The following RRAS2 variants were observed in gnomAD, a reference collection of about 807,000 sequenced individuals.
RRAS2 encodes RAS related 2, also known as ras-related protein R-Ras2.
RRAS2 carries 7 observed loss-of-function variants against 27.6 expected under a neutral mutation model. The observed-to-expected ratio is 0.25, with a 90% CI of 0.14 to 0.48. RRAS2 has a LOEUF of 0.48. Ranked by LOEUF, RRAS2 falls within the 20% of genes least tolerant of loss-of-function variation. RRAS2 has a pLI of 0.99. For synonymous variants in RRAS2, 86 were observed against 90.9 expected (o/e 0.95, Z 0.31); for missense variants, 178 against 256.2 (o/e 0.69, Z 2.08).
intron 4 of RRAS2, among the ~76,000 whole-genome samples, chr11:14,293,124 A>AATATAAATATAT (rs1847452299): frequency 1.3e-5 from 1 of 76,822 alleles, no homozygotes; most frequent in Non-Finnish European, 2.3e-5. Context: ...AAACAAAACA[A>AATATAAATATAT]ATATATATAT....
At chr11:14,297,438 A>AT (rs1334742563) in intron 1 of RRAS2, among the ~76,000 whole-genome samples, 82 of 152,086 alleles carry the variant, frequency 5.4e-4, no homozygotes, top group African/African-American at 1.8e-3. Flanking sequence ...GACTTTACAT[A>AT]TTTTTTTTGA....
At chr11:14,337,549 G>A (rs1554952697) in intron 1 of RRAS2, among the ~76,000 whole-genome samples, 1 of 152,172 alleles carries the variant, frequency 6.6e-6, no homozygotes, top group Non-Finnish European at 1.5e-5. Flanking sequence ...GATATTTTGA[G>A]AAAGACCGCA....
chr11:14,319,579 C>G (rs1468702328), intron 1 of RRAS2, among the ~76,000 whole-genome samples: 2 of 151,096 alleles, frequency 1.3e-5, no homozygotes, highest in African/African-American at 4.9e-5. Flanking sequence ...AGGATGGTCT[C>G]GATCTCCTGA....
At chr11:14,337,200 GTT>G (rs1848605575) in intron 1 of RRAS2, 2 of 152,172 alleles carry the variant, frequency 1.3e-5, no homozygotes, top group Non-Finnish European at 2.9e-5. Context: ...GTTTCAAATT[GTT>G]TACCATTCTG....
At chr11:14,360,778 C>T (rs528545024), upstream of RRAS2, among the ~76,000 whole-genome samples, 5 of 151,306 alleles carry the variant, frequency 3.3e-5, no homozygotes, top group South Asian at 8.4e-4. Context: ...AAAATTAGTC[C>T]GGAGTGGTGG....
At chr11:14,303,267 C>T (rs1451728957) in intron 1 of RRAS2, among the ~76,000 whole-genome samples, 1 of 152,158 alleles carries the variant, frequency 6.6e-6, no homozygotes, top group East Asian at 1.9e-4. Context: ...TTTACAATTG[C>T]TTATCCTTTC....
intron 1 of RRAS2, among the ~76,000 whole-genome samples, chr11:14,315,521 G>A (rs1322026814): frequency 6.6e-6 from 1 of 152,146 alleles, no homozygotes; most frequent in Non-Finnish European, 1.5e-5. Context: ...TATCTTGATG[G>A]GATCCTGGAT....
At chr11:14,352,775 AGAGAGG>A (rs1554954970) in intron 1 of RRAS2, among the ~76,000 whole-genome samples, 2 of 149,122 alleles carry the variant, frequency 1.3e-5, no homozygotes, top group African/African-American at 4.9e-5. Context: ...AGAGAGAGAG[AGAGAGG>A]GAGAGAGAGA....
chr11:14,285,291 A>G lies in RRAS2; in HGVS notation c.409-3571T>C, dbSNP rs1047263955. Among the ~76,000 whole-genome samples, 5 of 152,306 alleles carry G rather than the reference A, an allele frequency of 3.3e-5. No individual in the cohort carries two copies. In the East Asian group the frequency reaches 9.6e-4, roughly 29 times the overall value. The stretch of plus-strand genomic sequence containing the variant: ...GAGCCAGGTGCAGTGGTGTATGCCT[A>G]AAGTCCCAGCTACTTGGGTGGCTGA... On this transcript the variant is annotated intron_variant, in intron 4 of 5. Transcript: ENST00000256196.
intron 1 of RRAS2, among the ~76,000 whole-genome samples, chr11:14,323,947 T>G (rs1800386819): frequency 6.8e-6 from 1 of 148,000 alleles, no homozygotes; most frequent in Non-Finnish European, 1.5e-5. Flanking sequence ...ATAAGAGATA[T>G]GGAAAAAGGA....
At position 14,304,817 on chromosome 11, in the gene RRAS2, C is replaced by T. The variant is rs1186686637; in HGVS notation, c.109-8962G>A. Among the ~76,000 whole-genome samples, 11 of 152,290 alleles carry T rather than the reference C, an allele frequency of 7.2e-5. No individual in the cohort carries two copies. The East Asian group carries it at 7.7e-4, about 11-fold the overall frequency. ...AGCTGTGAGCCAGAGCTGGGCTCCT[C>T]CTTGTGTCACTTTTTAGCAGCAGCT... On this transcript the variant is annotated intron_variant, in intron 1 of 5. Coordinates refer to ENST00000256196, the MANE Select transcript of RRAS2 (RefSeq NM_012250.6).
chr11:14,296,865 A>G (rs1847567254), intron 1 of RRAS2, among the ~76,000 whole-genome samples: 1 of 152,138 alleles, frequency 6.6e-6, no homozygotes, highest in African/African-American at 2.4e-5. Context: ...TAAGAAGGGA[A>G]GAATCTCAGC....
At position 14,281,592 on chromosome 11, in the gene RRAS2, T is replaced by A. The variant is rs1564951735; in HGVS notation, c.527+10A>T. On this transcript the variant is annotated intron_variant, in intron 5 of 5. Transcript: ENST00000256196. ...TATTAAAACACACATCTAGAATGTG[T>A]TTTGCTTACCTGATAACCCGGACAA... 1 of 1,584,740 alleles carries A rather than the reference T, an allele frequency of 6.3e-7. No homozygotes were observed. Among genetic ancestry groups the A allele is most frequent in the Non-Finnish European group, 8.6e-7 (1 of 1,167,760 alleles).
intron 1 of RRAS2, among the ~76,000 whole-genome samples, chr11:14,357,755 T>C (rs782259363): frequency 1.8e-4 from 28 of 152,238 alleles, no homozygotes; most frequent in Non-Finnish European, 3.5e-4. Context: ...CTCTAGATAC[T>C]GTGAAAAATA....
chr11:14,329,112 TA>T (rs1564974140), intron 1 of RRAS2, among the ~76,000 whole-genome samples: 8 of 151,124 alleles, frequency 5.3e-5, no homozygotes, highest in Middle Eastern at 3.4e-3. Context: ...TATACATATA[TA>T]TATATATTTT....
intron 1 of RRAS2, among the ~76,000 whole-genome samples, chr11:14,334,578 T>C (rs1554952349): frequency 6.6e-6 from 1 of 151,740 alleles, no homozygotes; most frequent in Non-Finnish European, 1.5e-5. Flanking sequence ...TTAGTCTGTC[T>C]CCTACATCAA....
chr11:14,294,293 TA>T (rs1847489352), intron 4 of RRAS2, among the ~76,000 whole-genome samples, 177 bp downstream of exon 4: 1 of 152,230 alleles, frequency 6.6e-6, no homozygotes. Context: ...ACTTCCTTTT[TA>T]TTTTTCACCC....
upstream of RRAS2, among the ~76,000 whole-genome samples, chr11:14,363,335 A>T (rs1448679771): frequency 6.6e-6 from 1 of 152,074 alleles, no homozygotes; most frequent in Non-Finnish European, 1.5e-5. Flanking sequence ...AGTGTATTTT[A>T]TTTATTTATT....
intron 1 of RRAS2, among the ~76,000 whole-genome samples, chr11:14,318,860 ACATAT>A (rs1257975052): frequency 6.6e-6 from 1 of 152,226 alleles, no homozygotes; most frequent in Non-Finnish European, 1.5e-5. Flanking sequence ...CTTCAGGGAA[ACATAT>A]CTGTATACTT....
Sources: allele counts gnomAD v4.1 joint callset (sites outside exome capture counted in the v4.1 genomes callset), GRCh38; gene constraint gnomAD v4.1.1; transcripts MANE v1.5; gene names NCBI Gene and HGNC (gene_info 2026-07-23, HGNC 2026-07-21).